FHOD3: variants seen among roughly 807,000 people sequenced by gnomAD.
FHOD3 encodes the protein FH1/FH2 domain-containing protein 3.
Under a neutral mutation model 173.0 loss-of-function variants are expected in FHOD3, and 90 were observed. That is an observed-to-expected ratio of 0.52 (90% confidence interval 0.44 to 0.62). FHOD3 has a LOEUF of 0.62. Among genes scored for constraint, FHOD3 ranks in the 20% least tolerant of loss-of-function variants. FHOD3 has a pLI of 0.00. For synonymous variants in FHOD3, 828 were observed against 823.0 expected (o/e 1.01, Z -0.10); for missense variants, 1,945 against 2,034.7 (o/e 0.96, Z 0.85).
chr18:36,778,380 A>G (rs981578208), intron 28 of FHOD3: 13 of 152,256 alleles, frequency 8.5e-5, no homozygotes, highest in African/African-American at 3.1e-4. Context: ...GCAGATCCAT[A>G]ACGTTTCTCT....
At chr18:36,653,764 T>A (rs561091878) in intron 13 of FHOD3, among the ~76,000 whole-genome samples, 19 of 152,188 alleles carry the variant, frequency 1.2e-4, no homozygotes, top group Non-Finnish European at 2.8e-4. Flanking sequence ...CGTCCAAAAA[T>A]CAATAGTTGA....
chr18:36,595,693 C>A (rs538868613), intron 7 of FHOD3, among the ~76,000 whole-genome samples: 11 of 152,190 alleles, frequency 7.2e-5, no homozygotes, highest in African/African-American at 2.4e-4. Context: ...AAACACGTGG[C>A]GAAGAACGAG....
At chr18:36,410,056 T>C (rs1430722091) in intron 3 of FHOD3, among the ~76,000 whole-genome samples, 1 of 152,204 alleles carries the variant, frequency 6.6e-6, no homozygotes, top group African/African-American at 2.4e-5. Flanking sequence ...AAGTGTCTGA[T>C]TCAGTGGTAT....
At chr18:36,681,204 T>C (rs1267850633) in intron 14 of FHOD3, among the ~76,000 whole-genome samples, 2 of 152,194 alleles carry the variant, frequency 1.3e-5, no homozygotes, top group African/African-American at 4.8e-5. Flanking sequence ...TTGCTTGCTA[T>C]TTTCTGTCTG....
intron 5 of FHOD3, among the ~76,000 whole-genome samples, chr18:36,540,188 G>T (rs1330130179): frequency 6.6e-6 from 1 of 152,174 alleles, no homozygotes; most frequent in Non-Finnish European, 1.5e-5. Flanking sequence ...ATTCAGCCAG[G>T]TTCCAATTAT....
intron 3 of FHOD3, among the ~76,000 whole-genome samples, chr18:36,381,889 GT>G (rs2047810622): frequency 6.6e-6 from 1 of 152,224 alleles, no homozygotes; most frequent in Admixed American, 6.5e-5. Context: ...TGGGAAGAAT[GT>G]GAGAGTAAAT....
At chr18:36,679,721 A>G (rs948558613) in intron 14 of FHOD3, among the ~76,000 whole-genome samples, 10 of 152,016 alleles carry the variant, frequency 6.6e-5, no homozygotes, top group South Asian at 4.2e-4. Context: ...TTGATTTTCA[A>G]TGCAGTTGCA....
At chr18:36,388,725 G>A (rs1020774790) in intron 3 of FHOD3, among the ~76,000 whole-genome samples, 1 of 152,144 alleles carries the variant, frequency 6.6e-6, no homozygotes, top group African/African-American at 2.4e-5. Context: ...TTCCACAGAA[G>A]GAGTTTATAC....
chr18:36,347,992 C>T (rs1026146763), intron 1 of FHOD3, among the ~76,000 whole-genome samples: 8 of 152,172 alleles, frequency 5.3e-5, no homozygotes, highest in East Asian at 1.9e-4. Flanking sequence ...CCTCAGAGTG[C>T]GTGCCCTGTA....
At chr18:36,566,290 A>C (rs562242492) in intron 5 of FHOD3, among the ~76,000 whole-genome samples, 1 of 152,218 alleles carries the variant, frequency 6.6e-6, no homozygotes, top group African/African-American at 2.4e-5. Flanking sequence ...TGTATCTCTA[A>C]GAAAACATTT....
In FHOD3 at chr18:36,619,287, G is replaced by A. The variant is rs1444920882; in HGVS notation, c.958-6224G>A. ...AGAGGACTTAGGACATGCCAAGGAA[G>A]CTCTGACTGTATCTGACATGACCAC... is the stretch of plus-strand genomic sequence containing the variant. On this transcript the variant is annotated intron_variant, in intron 9 of 28. Coordinates refer to ENST00000590592, the MANE Select transcript of FHOD3 (RefSeq NM_001281740.3). 3.3e-5 allele frequency among the ~76,000 whole-genome samples: 5 copies of A among 152,196 alleles called. No individual in the cohort carries two copies. The East Asian group carries it at 9.6e-4, about 29-fold the overall frequency.
intron 6 of FHOD3, among the ~76,000 whole-genome samples, chr18:36,590,875 G>A (rs554182451): frequency 7.9e-5 from 12 of 152,292 alleles, no homozygotes; most frequent in Admixed American, 1.3e-4. Flanking sequence ...GCCTGAGACC[G>A]TATCGGTCAA....
intron 10 of FHOD3, among the ~76,000 whole-genome samples, chr18:36,626,331 T>C (rs1415286889): frequency 2.0e-5 from 3 of 152,228 alleles, no homozygotes; most frequent in Admixed American, 6.5e-5. Flanking sequence ...AGGTATGATC[T>C]CTGTCCCTTT....
chr18:36,754,716 G>T (rs990700568), intron 24 of FHOD3, among the ~76,000 whole-genome samples: 3 of 151,640 alleles, frequency 2.0e-5, no homozygotes, highest in Non-Finnish European at 4.4e-5. Context: ...TCTAGAAATG[G>T]TGCAATACTT....
chr18:36,468,051 A>C (rs2053050646), intron 3 of FHOD3, among the ~76,000 whole-genome samples: 1 of 152,180 alleles, frequency 6.6e-6, no homozygotes, highest in African/African-American at 2.4e-5. Context: ...TGTACTTCCC[A>C]CTTCCACTCT....
At chr18:36,315,712 TG>T (rs2044082754) in intron 1 of FHOD3, among the ~76,000 whole-genome samples, 1 of 152,226 alleles carries the variant, frequency 6.6e-6, no homozygotes, top group Admixed American at 6.5e-5. Flanking sequence ...TGAATTCCTC[TG>T]GCAGCCTGCC....
At chr18:36,509,285 G>C (rs556523307) in intron 4 of FHOD3, among the ~76,000 whole-genome samples, 1 of 152,184 alleles carries the variant, frequency 6.6e-6, no homozygotes, top group East Asian at 1.9e-4. Flanking sequence ...AAATTAGCCG[G>C]GCATGGTGGC....
At chr18:36,628,494 G>A (rs1326051386) in intron 10 of FHOD3, among the ~76,000 whole-genome samples, 2 of 152,164 alleles carry the variant, frequency 1.3e-5, no homozygotes, top group African/African-American at 2.4e-5. Flanking sequence ...GTAGACTTAA[G>A]CCAGCTATGT....
chr18:36,519,708 C>T (rs2056176373), intron 5 of FHOD3, among the ~76,000 whole-genome samples: 1 of 152,180 alleles, frequency 6.6e-6, no homozygotes, highest in African/African-American at 2.4e-5. Context: ...ACCCTCTGTT[C>T]TGAGGTAAGA....
Sources: gnomAD v4.1 joint callset for allele counts (sites outside exome capture counted in the v4.1 genomes callset) on GRCh38, gnomAD v4.1.1 for gene constraint, MANE v1.5 for transcripts, NCBI Gene and HGNC (gene_info 2026-07-23, HGNC 2026-07-21) for gene names.